Variants in ZNF354C observed in about 807,000 individuals in gnomAD.
ZNF354C encodes the protein zinc finger protein 354C, also known as KRAB-zinc finger protein synten.
ZNF354C carries 7 observed loss-of-function variants against 12.4 expected under a neutral mutation model. That is an observed-to-expected ratio of 0.56 (90% CI 0.32 to 1.06). The LOEUF (loss-of-function observed/expected upper bound fraction) is 1.06. Among genes scored for constraint, ZNF354C ranks in the 50% least tolerant of loss-of-function variants. ZNF354C has a pLI of 0.04. For synonymous variants in ZNF354C, 202 were observed against 224.5 expected (o/e 0.90, Z 0.90); for missense variants, 609 against 658.0 (o/e 0.93, Z 0.81).
Position 179,082,430 on chromosome 5 carries a change from A to G in ZNF354C, c.*2333A>G. The G allele has an allele frequency of 2.2e-6, 1 of 460,668 alleles. No homozygotes were observed. Among genetic ancestry groups the G allele is most frequent in the East Asian group, 3.9e-5 (1 of 25,384 alleles). 28.5% of individuals were successfully genotyped at this position (460,668 alleles called of 1,614,324 possible). A position where few individuals can be genotyped will look rare whatever the true frequency, so the allele number is the denominator to read the frequency against. ...GTTGAATTACACAGTATGGAAATAA[A>G]TAGACAAGTCCAGAGTTGGTATAGG... On this transcript the variant is annotated 3_prime_UTR_variant, in exon 5 of 5. Coordinates refer to ENST00000315475, the MANE Select transcript of ZNF354C (RefSeq NM_014594.3).
rs1484938726 is a variant in ZNF354C, at chr5:179,083,214, C to T, written c.*3117C>T. The T allele has an allele frequency of 6.7e-6, 2 of 298,054 alleles. No individual in the cohort carries two copies. Among genetic ancestry groups the T allele is most frequent in the Non-Finnish European group, 1.2e-5 (2 of 162,258 alleles). 18.5% of individuals were successfully genotyped at this position (298,054 alleles called of 1,614,324 possible). ...ATTAGCTTCTGATTCATAAAAAAAC[C>T]TATAAGAGACATTTGGGGGGATATT... is the stretch of plus-strand genomic sequence containing the variant. On this transcript the variant is annotated 3_prime_UTR_variant, in exon 5 of 5. Coordinates refer to ENST00000315475, the MANE Select transcript of ZNF354C (RefSeq NM_014594.3).
Position 179,077,134 on chromosome 5 carries a change from T to A in ZNF354C, c.218T>A (p.Val73Glu). The A allele has an allele frequency of 6.2e-7, 1 of 1,614,070 alleles. No homozygotes were observed. The highest frequency in any genetic ancestry group is 8.5e-7 in the Non-Finnish European group (1 of 1,179,996). Residue 73 changes from valine (V) to glutamate (E), a missense_variant, in exon 4 of 5, where the codon GTG (valine) becomes GAG (glutamate). By Grantham distance (121) the Val-to-Glu change is moderately radical. Coordinates refer to ENST00000315475, the MANE Select transcript of ZNF354C (RefSeq NM_014594.3). ...QLQQGEDPCM[V>E]EREVPSDTRL... ...CAGCAAGGAGAAGATCCCTGCATGGTGGAAAGAGAAGTCCCTTCAGATACC... is the reference window on the plus strand; with the variant it reads ...CAGCAAGGAGAAGATCCCTGCATGGAGGAAAGAGAAGTCCCTTCAGATACC...
At chr5:179,068,972 G>A (rs1448365834) in intron 2 of ZNF354C, among the ~76,000 whole-genome samples, 6 of 152,206 alleles carry the variant, frequency 3.9e-5, no homozygotes, top group Non-Finnish European at 5.9e-5. Flanking sequence ...AGAAGCACAT[G>A]CCGGTATTAG....
Position 179,081,405 on chromosome 5 carries a change from C to A in ZNF354C, c.*1308C>A, listed in dbSNP as rs992566122. 1 of 151,982 alleles carries A rather than the reference C, an allele frequency of 6.6e-6. No individual in the cohort carries two copies. Among genetic ancestry groups the A allele is most frequent in the Non-Finnish European group, 1.5e-5 (1 of 67,986 alleles). 9.4% of individuals were successfully genotyped at this position (151,982 alleles called of 1,614,324 possible). ...GTTTATTATTAAGCATTCCTTTCAT[C>A]AGTTTAAATGTTTAATTCCTCCCAG... On this transcript the variant is annotated 3_prime_UTR_variant, in exon 5 of 5. Transcript: ENST00000315475.
At chr5:179,069,629 G>A (rs1329171536) in intron 2 of ZNF354C, among the ~76,000 whole-genome samples, 2 of 151,350 alleles carry the variant, frequency 1.3e-5, no homozygotes, top group Non-Finnish European at 1.5e-5. Flanking sequence ...ACTTTGGGAG[G>A]CCGAGGCGGG....
intron 2 of ZNF354C, among the ~76,000 whole-genome samples, chr5:179,071,211 C>T (rs1561749261): frequency 6.6e-6 from 1 of 152,078 alleles, no homozygotes; most frequent in Admixed American, 6.5e-5. Flanking sequence ...ATGAAACACC[C>T]TCACACATTG....
intron 2 of ZNF354C, among the ~76,000 whole-genome samples, chr5:179,073,259 C>T (rs1001874817): frequency 8.5e-5 from 13 of 152,088 alleles, no homozygotes; most frequent in African/African-American, 3.1e-4. Flanking sequence ...AATTCATTGC[C>T]AGCAGGCCTG....
chr5:179,067,451 CAT>C (rs373739054), intron 2 of ZNF354C, among the ~76,000 whole-genome samples: 2 of 152,122 alleles, frequency 1.3e-5, no homozygotes, highest in African/African-American at 4.8e-5. Context: ...AGGAAGGAAA[CAT>C]AGAACTCACT....
chr5:179,062,200 C>T (rs1761903123), intron 2 of ZNF354C, 105 bp downstream of exon 2: 3 of 1,445,266 alleles, frequency 2.1e-6, no homozygotes, highest in Non-Finnish European at 1.9e-6. Flanking sequence ...CCAACCAAAA[C>T]GATGAAGAAT....
intron 2 of ZNF354C, among the ~76,000 whole-genome samples, chr5:179,074,939 G>A (rs1762097590): frequency 6.6e-6 from 1 of 152,070 alleles, no homozygotes; most frequent in African/African-American, 2.4e-5. Flanking sequence ...AAAATACAAA[G>A]AGGTCTAACT....
Position 179,082,620 on chromosome 5 carries a change from A to G in ZNF354C, c.*2523A>G, listed in dbSNP as rs1431621016. 8 of 1,333,774 alleles carry G rather than the reference A, an allele frequency of 6.0e-6. No individual in the cohort carries two copies. The African/African-American group carries it at 7.3e-5, about 12-fold the overall frequency. The allele number at this position is 1,333,774 out of a possible 1,614,324, so 82.6% of individuals were successfully genotyped here. A position where few individuals can be genotyped will look rare whatever the true frequency, so the allele number is the denominator to read the frequency against. The stretch of plus-strand genomic sequence containing the variant: ...AGGGAGATATTCAGAAACCTTCACC[A>G]GATTCCTCCCAACTTGATCATAGTG... On this transcript the variant is annotated 3_prime_UTR_variant, in exon 5 of 5. Coordinates refer to ENST00000315475, the MANE Select transcript of ZNF354C (RefSeq NM_014594.3).
intron 2 of ZNF354C, among the ~76,000 whole-genome samples, chr5:179,064,633 C>G (rs1761937712): frequency 6.7e-6 from 1 of 149,908 alleles, no homozygotes; most frequent in Non-Finnish European, 1.5e-5. Flanking sequence ...CCAGGATGGT[C>G]TCCATCTCCT....
At chr5:179,063,297 G>A (rs1316870364) in intron 2 of ZNF354C, among the ~76,000 whole-genome samples, 1 of 152,172 alleles carries the variant, frequency 6.6e-6, no homozygotes, top group African/African-American at 2.4e-5. Flanking sequence ...AGTAGCTCAC[G>A]CCTATAATCC....
intron 2 of ZNF354C, among the ~76,000 whole-genome samples, chr5:179,064,484 T>C (rs1761935433): frequency 6.6e-6 from 1 of 151,876 alleles, no homozygotes; most frequent in Non-Finnish European, 1.5e-5. Flanking sequence ...TGGCGCCATC[T>C]CGGTTCACTG....
At position 179,078,712 on chromosome 5, in the gene ZNF354C, T is replaced by C; in HGVS notation, c.280T>C (p.Leu94=). 1.2e-6 allele frequency: 2 copies of C among 1,601,382 alleles called. No homozygotes were observed. The highest frequency in any genetic ancestry group is 1.7e-6 in the Non-Finnish European group (2 of 1,175,466). The change falls in exon 5 of 5, where the codon TTG becomes CTG. Residue 94 remains leucine (L), a synonymous_variant. Transcript: ENST00000315475. ...CAAGACTTGGCTTGAAACAGAAGCA[T>C]TGCCTCATAGACAGGACATTTTTAT... is the stretch of plus-strand genomic sequence containing the variant. ...GFKTWLETEA[L]PHRQDIFIEE... is the part of the protein sequence containing the mutation.
At chr5:179,064,843 AG>A (rs1372507504) in intron 2 of ZNF354C, among the ~76,000 whole-genome samples, 5 of 152,112 alleles carry the variant, frequency 3.3e-5, no homozygotes, top group African/African-American at 9.7e-5. Flanking sequence ...GTACCGAGGG[AG>A]AAATTTCTCT....
intron 2 of ZNF354C, among the ~76,000 whole-genome samples, chr5:179,076,167 G>A (rs1312465412): frequency 6.6e-6 from 1 of 152,206 alleles, no homozygotes; most frequent in Admixed American, 6.5e-5. Context: ...CTTCTCTTGA[G>A]AAAGATCCCA....
At chr5:179,073,275 T>C (rs1264658841) in intron 2 of ZNF354C, among the ~76,000 whole-genome samples, 1 of 152,168 alleles carries the variant, frequency 6.6e-6, no homozygotes, top group Non-Finnish European at 1.5e-5. Flanking sequence ...GCCTGTACTA[T>C]AAGATACACT....
At chr5:179,067,363 T>G (rs1263991281) in intron 2 of ZNF354C, among the ~76,000 whole-genome samples, 1 of 152,104 alleles carries the variant, frequency 6.6e-6, no homozygotes, top group African/African-American at 2.4e-5. Context: ...GTGAGCCAGG[T>G]GAAAGGTGTA....
Sources: allele counts gnomAD v4.1 joint callset (sites outside exome capture counted in the v4.1 genomes callset), GRCh38; gene constraint gnomAD v4.1.1; transcripts MANE v1.5; gene names NCBI Gene and HGNC (gene_info 2026-07-23, HGNC 2026-07-21).